USP34: variants seen among roughly 807,000 people sequenced by gnomAD.
USP34 encodes the protein ubiquitin carboxyl-terminal hydrolase 34.
A neutral mutation model predicts 460.3 loss-of-function variants in USP34; 70 were observed. The observed-to-expected ratio is 0.15, with a 90% CI of 0.13 to 0.19. The LOEUF (loss-of-function observed/expected upper bound fraction) is 0.19, where lower values mean the gene tolerates loss of function less well. Among genes scored for constraint, USP34 ranks in the 10% least tolerant of loss-of-function variants. The probability of loss-of-function intolerance (pLI) is 1.00; values close to 1 mark genes in which losing one functional copy is unlikely to be tolerated. For synonymous variants in USP34, 1,647 were observed against 1,405.3 expected (o/e 1.17, Z -3.85); for missense variants, 3,985 against 4,236.2 (o/e 0.94, Z 1.65).
At chr2:61,304,903 T>G (rs1690353263) in intron 27 of USP34, among the ~76,000 whole-genome samples, 1 of 152,172 alleles carries the variant, frequency 6.6e-6, no homozygotes. Context: ...AAATAGAATT[T>G]CTACCTTTTA....
At chr2:61,231,528 C>A (rs1687905021) in intron 58 of USP34, among the ~76,000 whole-genome samples, 1 of 151,970 alleles carries the variant, frequency 6.6e-6, no homozygotes, top group Non-Finnish European at 1.5e-5. Flanking sequence ...GCCTAGGCAA[C>A]AGGGGAGAGA....
intron 7 of USP34, among the ~76,000 whole-genome samples, chr2:61,379,801 G>T (rs577385896): frequency 1.3e-5 from 2 of 152,302 alleles, no homozygotes; most frequent in South Asian, 4.1e-4. Flanking sequence ...TTTGGCCTAC[G>T]GCCCAATAAT....
At chr2:61,311,454 G>T (rs1447367170) in intron 27 of USP34, 86 bp downstream of exon 27, 2 of 157,018 alleles carry the variant, frequency 1.3e-5, no homozygotes, top group Non-Finnish European at 2.0e-5. Flanking sequence ...GAGAATAAAA[G>T]AAAAGGAAAG....
At chr2:61,349,166 A>G (rs1332558013) in intron 13 of USP34, 84 bp downstream of exon 13, 1 of 1,455,630 alleles carries the variant, frequency 6.9e-7, no homozygotes, top group African/African-American at 1.4e-5. Flanking sequence ...ATACAAATAT[A>G]TTATTATGTA....
intron 27 of USP34, among the ~76,000 whole-genome samples, chr2:61,303,886 T>C (rs769142517): frequency 6.6e-6 from 1 of 150,650 alleles, no homozygotes; most frequent in African/African-American, 2.4e-5. Context: ...GAGCCATTAA[T>C]ACTTTGGTAG....
intron 6 of USP34, 41 bp from the exon 7 acceptor site, chr2:61,380,402 A>C: frequency 1.3e-6 from 2 of 1,564,636 alleles, no homozygotes; most frequent in Non-Finnish European, 8.7e-7. Flanking sequence ...AAAATTCATA[A>C]AGCATTTTTA....
Position 61,220,533 on chromosome 2 carries a change from C to G in USP34, c.7900-76G>C, listed in dbSNP as rs976019069. 3.1e-6 allele frequency: 4 copies of G among 1,286,758 alleles called. No homozygotes were observed. The African/African-American group carries it at 6.1e-5, about 20-fold the overall frequency. 79.7% of individuals were successfully genotyped at this position (1,286,758 alleles called of 1,614,324 possible). ...TACTTTTACTTACTTTTTGTATATG[C>G]TATTAGACACAAAGCTAAAGTACTT... On this transcript the variant is annotated intron_variant, in intron 66 of 79. Coordinates refer to ENST00000398571, the MANE Select transcript of USP34 (RefSeq NM_014709.4).
At position 61,445,864 on chromosome 2, in the gene USP34, C is replaced by T. The variant is rs536581269; in HGVS notation, c.43+24786G>A. 1.3e-4 allele frequency among the ~76,000 whole-genome samples: 20 copies of T among 151,904 alleles called. No homozygotes were observed. The South Asian group carries it at 3.7e-3, about 28-fold the overall frequency. ...TCGGGAGCCTGAGGCAGAAGTATCG[C>T]TTGAACCTGAAAGGCAGAGGTTGCA... On this transcript the variant is annotated intron_variant, in intron 1 of 79. Coordinates refer to ENST00000398571, the MANE Select transcript of USP34 (RefSeq NM_014709.4).
At chr2:61,383,681 C>G (rs1284367877) in intron 5 of USP34, among the ~76,000 whole-genome samples, 1 of 152,146 alleles carries the variant, frequency 6.6e-6, no homozygotes, top group Non-Finnish European at 1.5e-5. Context: ...GATTGTGCCA[C>G]TGCACTCCAG....
chr2:61,252,550 A>G (rs1299400778), intron 48 of USP34, among the ~76,000 whole-genome samples: 1 of 152,260 alleles, frequency 6.6e-6, no homozygotes, highest in African/African-American at 2.4e-5. Context: ...TCCACTGCAC[A>G]TAAATATCAA....
intron 3 of USP34, among the ~76,000 whole-genome samples, chr2:61,395,925 G>A (rs1485897032): frequency 6.6e-6 from 1 of 151,526 alleles, no homozygotes; most frequent in Non-Finnish European, 1.5e-5. Context: ...AATTGTCAGT[G>A]TGGTGGTGGG....
intron 29 of USP34, among the ~76,000 whole-genome samples, chr2:61,299,019 C>A (rs1382669631): frequency 6.6e-6 from 1 of 151,948 alleles, no homozygotes; most frequent in African/African-American, 2.4e-5. Flanking sequence ...ACATTATTCC[C>A]CTAATACATG....
intron 1 of USP34, among the ~76,000 whole-genome samples, chr2:61,436,957 GGT>G (rs1425845838): frequency 2.6e-5 from 4 of 152,150 alleles, no homozygotes; most frequent in African/African-American, 9.7e-5. Context: ...GGTCAATGAA[GGT>G]ATTAAGATGG....
intron 5 of USP34, among the ~76,000 whole-genome samples, chr2:61,387,582 T>C (rs1235020346): frequency 6.8e-6 from 1 of 146,038 alleles, no homozygotes; most frequent in Non-Finnish European, 1.5e-5. Flanking sequence ...ATATATAAAA[T>C]ATATATATTT....
chr2:61,330,176 CGTT>C (rs1691217419), intron 20 of USP34, among the ~76,000 whole-genome samples: 2 of 152,110 alleles, frequency 1.3e-5, no homozygotes, highest in South Asian at 4.1e-4. Flanking sequence ...TTGTGTGTGA[CGTT>C]GGACAAGTTG....
At chr2:61,266,956 T>C (rs1056036014) in intron 41 of USP34, among the ~76,000 whole-genome samples, 1 of 152,202 alleles carries the variant, frequency 6.6e-6, no homozygotes, top group Non-Finnish European at 1.5e-5. Context: ...TTCAGGAGTC[T>C]GGAGTTGGGG....
At position 61,314,655 on chromosome 2, in the gene USP34, G is replaced by A. The variant is rs755098575; in HGVS notation, c.3472C>T (p.His1158Tyr). 1.4e-5 allele frequency: 23 copies of A among 1,603,438 alleles called. No individual in the cohort carries two copies. The highest frequency in any genetic ancestry group is 1.8e-5 in the Non-Finnish European group (21 of 1,176,648). The change falls in exon 25 of 80, where the codon CAC becomes TAC. Residue 1158 changes from histidine to tyrosine, a missense_variant. His to Tyr is a moderately conservative substitution (Grantham distance 83). Transcript: ENST00000398571. ...IASSSLEQES[H>Y]SSLMVIERGL... ...CTTTCTATAACCATGAGACTTGAGT[G>A]TGATTCCTGTTCAAGACTGCTAGAA...
chr2:61,272,473 T>A (rs534443097), intron 41 of USP34, among the ~76,000 whole-genome samples: 1 of 150,596 alleles, frequency 6.6e-6, no homozygotes, highest in Non-Finnish European at 1.5e-5. Flanking sequence ...ATCCAACATA[T>A]ATATCCAAAT....
At chr2:61,428,106 AG>A (rs1411964740) in intron 1 of USP34, among the ~76,000 whole-genome samples, 12 of 150,940 alleles carry the variant, frequency 8.0e-5, no homozygotes, top group African/African-American at 2.9e-4. Flanking sequence ...CAGGGGTTGC[AG>A]TGAACCAAGA....
Sources: gnomAD v4.1 joint callset for allele counts (sites outside exome capture counted in the v4.1 genomes callset) on GRCh38, gnomAD v4.1.1 for gene constraint, MANE v1.5 for transcripts, NCBI Gene and HGNC (gene_info 2026-07-23, HGNC 2026-07-21) for gene names.